CNTN5: variants seen among roughly 807,000 people sequenced by gnomAD.
CNTN5 encodes the protein contactin-5.
Under a neutral mutation model 129.1 loss-of-function variants are expected in CNTN5, and 77 were observed. That is an observed-to-expected ratio of 0.60 (90% CI 0.50 to 0.72). The LOEUF is 0.72. Among genes scored for constraint, CNTN5 ranks in the 30% least tolerant of loss-of-function variants. The probability of loss-of-function intolerance (pLI) is 0.00; values close to 1 mark genes in which losing one functional copy is unlikely to be tolerated. For synonymous variants in CNTN5, 509 were observed against 465.6 expected (o/e 1.09, Z -1.20); for missense variants, 1,478 against 1,328.8 (o/e 1.11, Z -1.75).
chr11:99,470,257 C>T (rs879829608), intron 2 of CNTN5, among the ~76,000 whole-genome samples: 22 of 152,226 alleles, frequency 1.4e-4, no homozygotes, highest in Non-Finnish European at 2.8e-4. Context: ...TCATACCTGC[C>T]CAAGTCTGAG....
intron 1 of CNTN5, among the ~76,000 whole-genome samples, chr11:99,209,826 C>G (rs1263090033): frequency 6.6e-6 from 1 of 152,134 alleles, no homozygotes; most frequent in Non-Finnish European, 1.5e-5. Flanking sequence ...AACCTAACTT[C>G]GGACTTAGTG....
chr11:99,107,143 T>G (rs1052093768), intron 1 of CNTN5, among the ~76,000 whole-genome samples: 1 of 152,146 alleles, frequency 6.6e-6, no homozygotes, highest in Non-Finnish European at 1.5e-5. Flanking sequence ...TTTTTCATTA[T>G]ATGTGCTAGG....
At chr11:99,571,113 G>T (rs1222760599) in intron 3 of CNTN5, among the ~76,000 whole-genome samples, 1 of 152,188 alleles carries the variant, frequency 6.6e-6, no homozygotes, top group Admixed American at 6.5e-5. Flanking sequence ...AACACGTAAA[G>T]GCAGCCTGCT....
intron 3 of CNTN5, among the ~76,000 whole-genome samples, chr11:99,809,421 G>T (rs66955728): frequency 0.059 from 8,996 of 151,996 alleles, 327 homozygotes; most frequent in African/African-American, 0.095. Flanking sequence ...AATTTCCATA[G>T]TTACCTTTTA....
intron 3 of CNTN5, among the ~76,000 whole-genome samples, chr11:99,810,853 G>A (rs970909893): frequency 6.6e-6 from 1 of 152,022 alleles, no homozygotes; most frequent in African/African-American, 2.4e-5. Context: ...GAGTCACACT[G>A]CAGGCTTGGA....
intron 8 of CNTN5, among the ~76,000 whole-genome samples, chr11:99,998,119 A>G (rs377470139): frequency 6.6e-6 from 1 of 151,326 alleles, no homozygotes; most frequent in Admixed American, 6.6e-5. Flanking sequence ...CTCTCTCACC[A>G]CTCCTATTCA....
intron 3 of CNTN5, among the ~76,000 whole-genome samples, chr11:99,719,214 G>T (rs2135014519): frequency 6.6e-6 from 1 of 152,062 alleles, no homozygotes; most frequent in Non-Finnish European, 1.5e-5. Context: ...AGCTACTCAG[G>T]AGGCTGATGC....
At chr11:99,972,462 A>G (rs978009068) in intron 8 of CNTN5, among the ~76,000 whole-genome samples, 1 of 152,146 alleles carries the variant, frequency 6.6e-6, no homozygotes, top group Non-Finnish European at 1.5e-5. Flanking sequence ...CCAGGATACA[A>G]GAGCAGCCCT....
intron 16 of CNTN5, among the ~76,000 whole-genome samples, chr11:100,233,754 G>A (rs775232004): frequency 2.0e-5 from 3 of 152,042 alleles, no homozygotes; most frequent in Admixed American, 6.6e-5. Flanking sequence ...GAACTTCGTT[G>A]CCATTGCTTT....
chr11:99,722,803 G>C (rs1943216488), intron 3 of CNTN5, among the ~76,000 whole-genome samples: 1 of 151,688 alleles, frequency 6.6e-6, no homozygotes, highest in Non-Finnish European at 1.5e-5. Flanking sequence ...GGGAGATATA[G>C]CCCATATGGG....
intron 1 of CNTN5, among the ~76,000 whole-genome samples, chr11:99,157,098 T>C (rs141031307): frequency 1.7e-3 from 265 of 152,162 alleles, no homozygotes; most frequent in African/African-American, 6.0e-3. Context: ...TTGGTGATGA[T>C]AAGTAGCAAT....
At chr11:99,214,102 C>T (rs1048707564) in intron 1 of CNTN5, among the ~76,000 whole-genome samples, 13 of 151,998 alleles carry the variant, frequency 8.6e-5, no homozygotes, top group East Asian at 3.9e-4. Flanking sequence ...AGTATGACAA[C>T]GGATAGGAGC....
At chr11:100,149,893 C>CAA (rs36016957) in intron 13 of CNTN5, among the ~76,000 whole-genome samples, 1,687 of 116,876 alleles carry the variant, frequency 0.014, 53 homozygotes, top group African/African-American at 0.045. Context: ...GACTCCATCT[C>CAA]AAAAAAAAAA....
chr11:100,318,848 T>C (rs1951621154), intron 21 of CNTN5, among the ~76,000 whole-genome samples: 1 of 152,154 alleles, frequency 6.6e-6, no homozygotes, highest in African/African-American at 2.4e-5. Flanking sequence ...AAAATCTATA[T>C]TTAGCATTGT....
intron 1 of CNTN5, among the ~76,000 whole-genome samples, chr11:99,189,548 T>C (rs762187771): frequency 3.3e-5 from 5 of 151,692 alleles, no homozygotes; most frequent in African/African-American, 4.8e-5. Flanking sequence ...TCAACACTTA[T>C]TATCTTTCTT....
intron 3 of CNTN5, among the ~76,000 whole-genome samples, chr11:99,759,071 T>G (rs1463617747): frequency 9.2e-5 from 14 of 152,072 alleles, no homozygotes. Flanking sequence ...TTATATGCAT[T>G]GTCCCATGCA....
At chr11:99,069,591 G>A (rs1202344813) in intron 1 of CNTN5, among the ~76,000 whole-genome samples, 1 of 152,074 alleles carries the variant, frequency 6.6e-6, no homozygotes, top group Non-Finnish European at 1.5e-5. Flanking sequence ...CTTCTAGAGG[G>A]CAAGTACTGT....
intron 2 of CNTN5, among the ~76,000 whole-genome samples, chr11:99,432,493 TTC>T (rs1943426202): frequency 7.1e-6 from 1 of 141,814 alleles, no homozygotes; most frequent in Non-Finnish European, 1.6e-5. Context: ...TTCTTTTCTT[TTC>T]TTTCTTTTCT....
chr11:99,523,602 A>C (rs745791502), intron 2 of CNTN5, among the ~76,000 whole-genome samples: 16 of 32,600 alleles, frequency 4.9e-4, no homozygotes, highest in South Asian at 2.2e-3. Flanking sequence ...AGAAAGATAG[A>C]ATAGAATAGA....
Sources: gnomAD v4.1 joint callset for allele counts (sites outside exome capture counted in the v4.1 genomes callset) on GRCh38, gnomAD v4.1.1 for gene constraint, MANE v1.5 for transcripts, NCBI Gene and HGNC (gene_info 2026-07-23, HGNC 2026-07-21) for gene names.